PRKN: variants seen among roughly 807,000 people sequenced by gnomAD.
PRKN encodes E3 ubiquitin-protein ligase parkin.
Under a neutral mutation model 59.5 loss-of-function variants are expected in PRKN, and 56 were observed. That is an observed-to-expected ratio of 0.94 (90% CI 0.76 to 1.18). The LOEUF (loss-of-function observed/expected upper bound fraction) is 1.18, where lower values mean the gene tolerates loss of function less well. PRKN is among the 50% of genes most tolerant of loss of function. PRKN has a pLI of 0.00. For synonymous variants in PRKN, 250 were observed against 222.1 expected, an observed-to-expected ratio of 1.13 and a Z score of -1.12; for missense variants, 657 against 596.4, an observed-to-expected ratio of 1.10 and a Z score of -1.06.
intron 1 of PRKN, among the ~76,000 whole-genome samples, chr6:162,579,130 G>T (rs1003474106): frequency 2.0e-5 from 3 of 152,126 alleles, no homozygotes; most frequent in Admixed American, 2.0e-4. Context: ...CCTGGAAAAA[G>T]AAATCAAAGC....
chr6:161,615,700 G>A (rs1234811324), intron 7 of PRKN, among the ~76,000 whole-genome samples: 1 of 152,240 alleles, frequency 6.6e-6, no homozygotes, highest in Non-Finnish European at 1.5e-5. Flanking sequence ...CCGTGGCAAT[G>A]CCACAGGGCA....
intron 7 of PRKN, among the ~76,000 whole-genome samples, chr6:161,693,627 CAT>C (rs934827750): frequency 1.2e-4 from 18 of 152,198 alleles, no homozygotes; most frequent in African/African-American, 4.1e-4. Flanking sequence ...GGAAAAGTCA[CAT>C]GTCTTTTAAA....
intron 6 of PRKN, among the ~76,000 whole-genome samples, chr6:161,938,447 T>A (rs1432005145): frequency 1.3e-5 from 2 of 152,224 alleles, no homozygotes; most frequent in Admixed American, 1.3e-4. Flanking sequence ...TTTTAGTAGT[T>A]ACATTGTATG....
intron 4 of PRKN, among the ~76,000 whole-genome samples, chr6:162,123,620 G>A (rs1009671660): frequency 2.0e-5 from 3 of 152,170 alleles, no homozygotes; most frequent in Admixed American, 1.3e-4. Flanking sequence ...TAGTATGATG[G>A]TTGGAAATTG....
chr6:161,658,015 C>CAA (rs60685690), intron 7 of PRKN, among the ~76,000 whole-genome samples: 41 of 61,798 alleles, frequency 6.6e-4, no homozygotes, highest in African/African-American at 1.9e-3. Context: ...GACTCTGTCT[C>CAA]AAAAAAAAAA....
At chr6:162,375,867 G>C (rs1786042107) in intron 2 of PRKN, among the ~76,000 whole-genome samples, 1 of 151,732 alleles carries the variant, frequency 6.6e-6, no homozygotes, top group Non-Finnish European at 1.5e-5. Context: ...TGAATTTTGG[G>C]TGGACATGGA....
At chr6:161,692,790 C>T (rs761592522) in intron 7 of PRKN, among the ~76,000 whole-genome samples, 2 of 151,712 alleles carry the variant, frequency 1.3e-5, no homozygotes, top group Non-Finnish European at 2.9e-5. Context: ...AACCAACCCC[C>T]CCACAAAAAT....
At chr6:162,335,850 T>C (rs7743612) in intron 2 of PRKN, among the ~76,000 whole-genome samples, 37,814 of 151,484 alleles carry the variant, frequency 0.25, 5,365 homozygotes, top group East Asian at 0.61. Context: ...GGCCAACTCT[T>C]CCAGCAAAGA....
Position 161,363,419 on chromosome 6 carries a change from C to T in PRKN, c.1168-3214G>A, listed in dbSNP as rs900636002. Among the ~76,000 whole-genome samples the T allele has an allele frequency of 3.3e-5, 5 of 152,074 alleles. No individual in the cohort carries two copies. The highest frequency in any genetic ancestry group is 7.3e-5 in the Non-Finnish European group (5 of 68,034). ...AAACACTAATAATTAAAATTAGAAA[C>T]TCAGTTGATGAGTTACATAACAAAT... On this transcript the variant is annotated intron_variant, in intron 10 of 11. Coordinates refer to ENST00000366898, the MANE Select transcript of PRKN (RefSeq NM_004562.3). This position sits in a 1 kb window ranked among gnomAD's most constrained non-coding sequence, Gnocchi z 4.1.
intron 7 of PRKN, among the ~76,000 whole-genome samples, chr6:161,723,271 A>C (rs78292734): frequency 1.3e-5 from 2 of 151,520 alleles, no homozygotes; most frequent in African/African-American, 4.8e-5. Flanking sequence ...TCCCTCTCAA[A>C]AAAAAAAAAA....
Position 161,374,518 on chromosome 6 carries a change from G to A in PRKN, c.1167+12276C>T, listed in dbSNP as rs569706810. Among the ~76,000 whole-genome samples, 14 of 142,510 alleles carry A rather than the reference G, an allele frequency of 9.8e-5. No individual in the cohort carries two copies. In the South Asian group the frequency reaches 2.4e-3, roughly 24 times the overall value. The allele number at this position is 142,510 out of a possible 152,430, so 93.5% of individuals were successfully genotyped here. A position where few individuals can be genotyped will look rare whatever the true frequency, so the allele number is the denominator to read the frequency against. On this transcript the variant is annotated intron_variant, in intron 10 of 11. Transcript: ENST00000366898. ...GGTGTGTGTGATGTATGTGTGGTGTGTGTAATGGGTGTGTGGTGCATGTGT... is the reference window on the plus strand; with the variant it reads ...GGTGTGTGTGATGTATGTGTGGTGTATGTAATGGGTGTGTGGTGCATGTGT...
At chr6:162,355,302 CAT>C (rs1784803601) in intron 2 of PRKN, among the ~76,000 whole-genome samples, 1 of 151,534 alleles carries the variant, frequency 6.6e-6, no homozygotes, top group African/African-American at 2.4e-5. Flanking sequence ...AGATCTAAAA[CAT>C]AGATCTCACA....
intron 1 of PRKN, among the ~76,000 whole-genome samples, chr6:162,726,693 T>C (rs532712306): frequency 6.6e-6 from 1 of 152,302 alleles, no homozygotes; most frequent in East Asian, 1.9e-4. Flanking sequence ...ACAGACCACA[T>C]CTGACTTCGA....
At chr6:162,350,167 A>T (rs1369172870) in intron 2 of PRKN, among the ~76,000 whole-genome samples, 1 of 152,190 alleles carries the variant, frequency 6.6e-6, no homozygotes. Context: ...GAGACATTGA[A>T]AACCCAAAAC....
chr6:162,507,111 T>C (rs1583689366), intron 1 of PRKN, among the ~76,000 whole-genome samples: 2 of 152,272 alleles, frequency 1.3e-5, no homozygotes, highest in South Asian at 4.2e-4. Flanking sequence ...CTGGAAGATA[T>C]GCTAGAGCCA....
rs1288568218 is a variant in PRKN at position 162,262,620 on chromosome 6, T to A, written c.317A>T (p.Asp106Val). ...EREPQSLTRV[D>V]LSSSVLPGDS... The stretch of plus-strand genomic sequence containing the variant: ...TCCTGGGAGGACTGAGCTGCTGAGG[T>A]CCACCCGAGTCAAGCTCTGGGGCTC... Residue 106 changes from aspartate to valine, a missense_variant, in exon 3 of 12, where the codon GAC (aspartate) becomes GTC (valine). Coordinates refer to ENST00000366898, the MANE Select transcript of PRKN (RefSeq NM_004562.3). 6.2e-7 allele frequency: 1 copy of A among 1,613,730 alleles called. No homozygotes were observed. Among genetic ancestry groups the A allele is most frequent in the Admixed American group, 1.7e-5 (1 of 59,990 alleles).
At chr6:162,274,168 T>TATTA (rs1448292234) in intron 2 of PRKN, among the ~76,000 whole-genome samples, 4 of 151,512 alleles carry the variant, frequency 2.6e-5, no homozygotes, top group African/African-American at 9.7e-5. Context: ...TTAATTAATT[T>TATTA]ATTAATTTAT....
At chr6:162,193,761 G>T (rs1784385448) in intron 4 of PRKN, among the ~76,000 whole-genome samples, 1 of 152,124 alleles carries the variant, frequency 6.6e-6, no homozygotes. Context: ...TCTAAAATTT[G>T]ATTATTTATG....
chr6:162,032,010 C>A (rs1253138087), intron 5 of PRKN, among the ~76,000 whole-genome samples: 1 of 151,994 alleles, frequency 6.6e-6, no homozygotes, highest in African/African-American at 2.4e-5. Flanking sequence ...TTGTTTACAC[C>A]CTCTGGTTGC....
Sources: gnomAD v4.1 joint callset for allele counts (sites outside exome capture counted in the v4.1 genomes callset) on GRCh38, gnomAD v4.1.1 for gene constraint, Gnocchi (gnomAD v3.1) non-coding constraint, MANE v1.5 for transcripts, NCBI Gene and HGNC (gene_info 2026-07-23, HGNC 2026-07-21) for gene names.